ERGIC2: variants seen among roughly 807,000 people sequenced by gnomAD.
ERGIC2 encodes endoplasmic reticulum-Golgi intermediate compartment protein 2.
ERGIC2 carries 31 observed loss-of-function variants against 52.5 expected under a neutral mutation model. The observed-to-expected ratio is 0.59, with a 90% CI of 0.44 to 0.80. The LOEUF is 0.80. Among genes scored for constraint, ERGIC2 ranks in the 30% least tolerant of loss-of-function variants. ERGIC2 has a pLI of 0.00. For missense variants in ERGIC2, 395 were observed against 455.2 expected, an observed-to-expected ratio of 0.87 and a Z score of 1.20; for synonymous variants, 129 against 140.6, an observed-to-expected ratio of 0.92 and a Z score of 0.58.
At chr12:29,358,123 G>A (rs746066045) in intron 6 of ERGIC2, among the ~76,000 whole-genome samples, 44 of 152,132 alleles carry the variant, frequency 2.9e-4, no homozygotes, top group Non-Finnish European at 5.3e-4. Context: ...GCTACACAAT[G>A]GACTTGATGG....
intron 5 of ERGIC2, among the ~76,000 whole-genome samples, chr12:29,363,235 A>G (rs1262313152): frequency 1.3e-5 from 2 of 152,194 alleles, no homozygotes; most frequent in Non-Finnish European, 2.9e-5. Context: ...TTGTCTTTAA[A>G]TAGTAACTAA....
intron 11 of ERGIC2, 80 bp downstream of exon 11, chr12:29,345,363 C>T: frequency 2.6e-6 from 2 of 772,300 alleles, no homozygotes; most frequent in Non-Finnish European, 4.4e-6. Flanking sequence ...TAAAACACCA[C>T]CTTATTTTGT....
chr12:29,366,534 A>G (rs538369461), intron 5 of ERGIC2, among the ~76,000 whole-genome samples: 1 of 152,046 alleles, frequency 6.6e-6, no homozygotes, highest in South Asian at 2.1e-4. Context: ...AAAGTTTCCA[A>G]ATTACTAGAG....
chr12:29,345,205 C>G (rs1940028730), intron 11 of ERGIC2, among the ~76,000 whole-genome samples: 1 of 152,106 alleles, frequency 6.6e-6, no homozygotes, highest in Admixed American at 6.5e-5. Context: ...AGTCTTAATG[C>G]AATAGAAAAC....
chr12:29,370,217 G>T lies in ERGIC2; in HGVS notation c.112C>A (p.Leu38Ile). 1 of 1,538,600 alleles carries T rather than the reference G, an allele frequency of 6.5e-7. No individual in the cohort carries two copies. Residue 38 changes from leucine to isoleucine, a missense_variant, in exon 3 of 14, where the codon CTA becomes ATA. By Grantham distance (5) the Leu-to-Ile change is conservative (BLOSUM62 2). Transcript: ENST00000360150. ...ETSASGGTVSLIAFTTMALLT... is the reference protein window; with the variant it reads ...ETSASGGTVSIIAFTTMALLT... Reference sequence around the variant, plus strand: ...AAAGCCATAGTTGTAAATGCTATTAGAGAAACTGGGAAATCCAACAACAAA... The same window carrying T: ...AAAGCCATAGTTGTAAATGCTATTATAGAAACTGGGAAATCCAACAACAAA...
chr12:29,370,671 TA>T (rs1940428985), intron 2 of ERGIC2, among the ~76,000 whole-genome samples: 2 of 151,950 alleles, frequency 1.3e-5, no homozygotes, highest in Non-Finnish European at 2.9e-5. Context: ...TAAATTGGGC[TA>T]TAAGCCCAAT....
intron 11 of ERGIC2, 74 bp downstream of exon 11, chr12:29,345,369 T>A: frequency 1.7e-5 from 14 of 828,728 alleles, no homozygotes; most frequent in Middle Eastern, 2.3e-4. Context: ...ACCACCTTAT[T>A]TTGTAGCCAG....
At chr12:29,374,571 A>G (rs1400061924) in intron 1 of ERGIC2, among the ~76,000 whole-genome samples, 1 of 152,202 alleles carries the variant, frequency 6.6e-6, no homozygotes, top group Non-Finnish European at 1.5e-5. Flanking sequence ...TCCAAACACA[A>G]TTCAGACTCA....
At chr12:29,358,610 G>A (rs1015095437) in intron 6 of ERGIC2, among the ~76,000 whole-genome samples, 1 of 152,060 alleles carries the variant, frequency 6.6e-6, no homozygotes, top group African/African-American at 2.4e-5. Context: ...GATAATGGGG[G>A]AACCTGTAGC....
At chr12:29,367,199 A>T (rs980309198) in intron 4 of ERGIC2, among the ~76,000 whole-genome samples, 9 of 91,844 alleles carry the variant, frequency 9.8e-5, no homozygotes, top group East Asian at 7.7e-4. Context: ...CTTACCCAAT[A>T]AAAAAAAAAA....
In ERGIC2 at chr12:29,366,955, G is replaced by GA; in HGVS notation, c.263-9dup. 6.6e-7 allele frequency: 1 copy of GA among 1,522,354 alleles called. No homozygotes were observed. The highest frequency in any genetic ancestry group is 1.2e-5 in the South Asian group (1 of 82,004). The allele number at this position is 1,522,354 out of a possible 1,614,324, so 94.3% of individuals were successfully genotyped here. A position where few individuals can be genotyped will look rare whatever the true frequency, so the allele number is the denominator to read the frequency against. On this transcript the variant is annotated splice_polypyrimidine_tract_variant and intron_variant, in intron 4 of 13. Transcript: ENST00000360150. ...ATACATCCGCTCCAACATCTGCATAGAAAAAAGAATTAGAAGTTTTACATT... is the reference window on the plus strand; with the variant it reads ...ATACATCCGCTCCAACATCTGCATAGAAAAAAAGAATTAGAAGTTTTACATT...
At chr12:29,369,067 A>C (rs1396904131) in intron 3 of ERGIC2, among the ~76,000 whole-genome samples, 1 of 151,932 alleles carries the variant, frequency 6.6e-6, no homozygotes, top group Non-Finnish European at 1.5e-5. Flanking sequence ...CATCTGATTT[A>C]AAATAGGAAT....
At chr12:29,353,940 G>T (rs1009004639) in intron 8 of ERGIC2, among the ~76,000 whole-genome samples, 1 of 152,066 alleles carries the variant, frequency 6.6e-6, no homozygotes, top group African/African-American at 2.4e-5. Context: ...TATCAGACAA[G>T]AATCTAGCCT....
At chr12:29,368,983 G>A (rs993634325) in intron 3 of ERGIC2, among the ~76,000 whole-genome samples, 3 of 151,890 alleles carry the variant, frequency 2.0e-5, no homozygotes, top group Non-Finnish European at 4.4e-5. Context: ...ATGAAGCATT[G>A]CGAATAATAG....
intron 2 of ERGIC2, among the ~76,000 whole-genome samples, chr12:29,370,649 T>A (rs894209930): frequency 4.6e-5 from 7 of 152,006 alleles, no homozygotes; most frequent in African/African-American, 1.7e-4. Context: ...ATAATTTGTA[T>A]ATAAATGTAT....
At chr12:29,377,026 T>C (rs1372744861) in intron 1 of ERGIC2, among the ~76,000 whole-genome samples, 1 of 152,180 alleles carries the variant, frequency 6.6e-6, no homozygotes, top group African/African-American at 2.4e-5. Context: ...AAAAATGTAA[T>C]TCTAGGTCAG....
At chr12:29,375,474 C>A (rs1490486609) in intron 1 of ERGIC2, among the ~76,000 whole-genome samples, 2 of 152,078 alleles carry the variant, frequency 1.3e-5, no homozygotes, top group Non-Finnish European at 2.9e-5. Context: ...AAAATAAGAT[C>A]CACAAGAAGG....
chr12:29,360,441 A>G (rs1940267468), intron 6 of ERGIC2, among the ~76,000 whole-genome samples: 2 of 149,682 alleles, frequency 1.3e-5, no homozygotes, highest in South Asian at 4.2e-4. Flanking sequence ...TTATTTCTGT[A>G]TATATATTTC....
chr12:29,373,636 A>G (rs1940474037), intron 1 of ERGIC2, among the ~76,000 whole-genome samples: 1 of 152,224 alleles, frequency 6.6e-6, no homozygotes, highest in Admixed American at 6.5e-5. Flanking sequence ...CTACTACTCT[A>G]CAGTAGAGTT....
Sources: allele counts gnomAD v4.1 joint callset (sites outside exome capture counted in the v4.1 genomes callset), GRCh38; gene constraint gnomAD v4.1.1; transcripts MANE v1.5; gene names NCBI Gene and HGNC (gene_info 2026-07-23, HGNC 2026-07-21).